RNF150: variants seen among roughly 807,000 people sequenced by gnomAD.
RNF150 encodes the protein ring finger protein 150.
RNF150 carries 24 observed loss-of-function variants against 39.3 expected under a neutral mutation model. The ratio of observed to expected loss-of-function variants is 0.61; its 90% confidence interval spans 0.44 to 0.86. RNF150 has a LOEUF of 0.86. Ranked by LOEUF, RNF150 falls within the 40% of genes least tolerant of loss-of-function variation. The probability of loss-of-function intolerance (pLI) is 0.00; values close to 1 mark genes in which losing one functional copy is unlikely to be tolerated. For missense variants in RNF150, 502 were observed against 587.8 expected, an observed-to-expected ratio of 0.85 and a Z score of 1.51; for synonymous variants, 255 against 227.3, an observed-to-expected ratio of 1.12 and a Z score of -1.10.
chr4:140,946,209 A>G (rs1732304352), intron 4 of RNF150, among the ~76,000 whole-genome samples: 1 of 152,170 alleles, frequency 6.6e-6, no homozygotes, highest in Admixed American at 6.5e-5. Context: ...CCTAATGCCT[A>G]TTTTCCTAAT....
Position 141,133,106 on chromosome 4 carries a change from T to TACA in RNF150, c.-299_-298insTGT. 8.9e-6 allele frequency: 3 copies of TACA among 338,608 alleles called. No individual in the cohort carries two copies. The highest frequency in any genetic ancestry group is 1.6e-5 in the Non-Finnish European group (3 of 183,776). 21.0% of individuals were successfully genotyped at this position (338,608 alleles called of 1,614,324 possible). A position where few individuals can be genotyped will look rare whatever the true frequency, so the allele number is the denominator to read the frequency against. Reference sequence around the variant, plus strand: ...TGCGGAGGAGTCCTGCTGCCGAGCGTCCTGCTCCTTCGCCCGGCTTCGCCT... The same window carrying TACA: ...TGCGGAGGAGTCCTGCTGCCGAGCGTACACCTGCTCCTTCGCCCGGCTTCGCCT... On this transcript the variant is annotated 5_prime_UTR_variant, in exon 1 of 7. Transcript: ENST00000515673.
intron 1 of RNF150, among the ~76,000 whole-genome samples, chr4:140,986,435 T>C (rs760869232): frequency 6.6e-6 from 1 of 152,134 alleles, no homozygotes; most frequent in Non-Finnish European, 1.5e-5. Flanking sequence ...ATATAATTTA[T>C]ATTCCCACTA....
At chr4:141,153,444 A>G (rs1403280894) in intron 1 of RNF150, among the ~76,000 whole-genome samples, 1 of 152,216 alleles carries the variant, frequency 6.6e-6, no homozygotes, top group African/African-American at 2.4e-5. Context: ...ATGGCCATCT[A>G]CAAGCCAAGG....
chr4:141,112,665 T>A lies in RNF150; in HGVS notation c.484+19660A>T, dbSNP rs12506394. Among the ~76,000 whole-genome samples, 574 of 152,008 alleles carry A rather than the reference T, an allele frequency of 3.8e-3. 7 individuals are homozygous for A. Among genetic ancestry groups the A allele is most frequent in the African/African-American group, 0.013 (545 of 41,438 alleles). ...TCTGGCTGCCCTTAACATTTTTTCC[T>A]TCATTTCAACCTTGGTAAATCTGAT... On this transcript the variant is annotated intron_variant, in intron 1 of 6. Transcript: ENST00000515673.
chr4:141,052,263 C>T (rs1323767656), intron 1 of RNF150, among the ~76,000 whole-genome samples: 1 of 152,146 alleles, frequency 6.6e-6, no homozygotes, highest in Non-Finnish European at 1.5e-5. Context: ...AATTCTTGAA[C>T]TATTTGGAAT....
chr4:141,072,743 T>C (rs1260000637), intron 1 of RNF150, among the ~76,000 whole-genome samples: 1 of 152,176 alleles, frequency 6.6e-6, no homozygotes, highest in Non-Finnish European at 1.5e-5. Context: ...GTAATTTCAG[T>C]TCTCAGTCTT....
chr4:141,178,655 G>C (rs1023500245), intron 1 of RNF150, among the ~76,000 whole-genome samples: 1 of 152,062 alleles, frequency 6.6e-6, no homozygotes, highest in Non-Finnish European at 1.5e-5. Context: ...GGAGCGGGAG[G>C]TGGGTAGGAT....
intron 1 of RNF150, among the ~76,000 whole-genome samples, chr4:141,003,778 A>G (rs1156574116): frequency 6.6e-6 from 1 of 152,122 alleles, no homozygotes; most frequent in Non-Finnish European, 1.5e-5. Flanking sequence ...GAAGTTAAGA[A>G]TTTTATCCCC....
chr4:140,902,547 A>G (rs1730224059), intron 6 of RNF150, among the ~76,000 whole-genome samples: 1 of 152,192 alleles, frequency 6.6e-6, no homozygotes, highest in Admixed American at 6.5e-5. Flanking sequence ...TGGCATGTCA[A>G]TAGAACTTTT....
intron 6 of RNF150, among the ~76,000 whole-genome samples, chr4:140,877,955 C>T (rs1392158618): frequency 6.6e-6 from 1 of 152,110 alleles, no homozygotes; most frequent in Non-Finnish European, 1.5e-5. Flanking sequence ...GATGGTTTGA[C>T]TTGCCTGTGG....
At chr4:141,112,051 ACTGT>A in intron 1 of RNF150, among the ~76,000 whole-genome samples, 1 of 152,168 alleles carries the variant, frequency 6.6e-6, no homozygotes, top group East Asian at 1.9e-4. Context: ...CAGGCAAGTG[ACTGT>A]CTAAATTCTC....
rs372082819 is a variant in RNF150, at chr4:140,866,798, C to G, written c.*1463G>C. The G allele has an allele frequency of 5.9e-5, 9 of 152,020 alleles. No individual in the cohort carries two copies. The highest frequency in any genetic ancestry group is 1.9e-4 in the African/African-American group (8 of 41,378). The allele number at this position is 152,020 out of a possible 1,614,324, so 9.4% of individuals were successfully genotyped here. ...GCTGTGTAGAGATAAGGTGATCCGT[C>G]TGATTGTTCAGAGACGCTATCAATG... is the stretch of plus-strand genomic sequence containing the variant. On this transcript the variant is annotated 3_prime_UTR_variant, in exon 7 of 7. Transcript: ENST00000515673.
intron 5 of RNF150, among the ~76,000 whole-genome samples, chr4:140,923,992 G>A (rs1731276893): frequency 1.3e-5 from 2 of 152,072 alleles, no homozygotes; most frequent in South Asian, 4.2e-4. Context: ...AAGGGGGGAG[G>A]GATAGCATTA....
intron 6 of RNF150, among the ~76,000 whole-genome samples, chr4:140,884,445 G>A (rs534335267): frequency 1.3e-5 from 2 of 152,254 alleles, no homozygotes; most frequent in East Asian, 3.9e-4. Context: ...ACAGGTACAG[G>A]TAGTTCGCCA....
intron 1 of RNF150, among the ~76,000 whole-genome samples, chr4:141,130,195 A>G (rs767225294): frequency 1.3e-5 from 2 of 152,352 alleles, no homozygotes; most frequent in Non-Finnish European, 2.9e-5. Context: ...TTTAGGCAGA[A>G]GAATTTCAGA....
intron 1 of RNF150, among the ~76,000 whole-genome samples, chr4:141,061,791 T>G (rs1393137005): frequency 6.6e-6 from 1 of 152,182 alleles, no homozygotes; most frequent in African/African-American, 2.4e-5. Flanking sequence ...ATATCCTCTC[T>G]GACTTTGAGT....
chr4:140,925,960 G>C lies in RNF150; in HGVS notation c.987+17C>G. The C allele has an allele frequency of 6.5e-7, 1 of 1,545,178 alleles. No individual in the cohort carries two copies. Among genetic ancestry groups the C allele is most frequent in the Non-Finnish European group, 9.0e-7 (1 of 1,117,100 alleles). On this transcript the variant is annotated intron_variant, in intron 5 of 6. Transcript: ENST00000515673. ...GAAAGACAGACATTATAATGCTGTA[G>C]GCTGTGCTGTGCTTACCGGGATCCC...
chr4:140,965,493 G>A (rs1733203387), intron 2 of RNF150, among the ~76,000 whole-genome samples: 1 of 152,108 alleles, frequency 6.6e-6, no homozygotes, highest in Non-Finnish European at 1.5e-5. Context: ...AGCGACCTAA[G>A]TGTCCATGTG....
At chr4:141,036,373 A>G (rs1736147863) in intron 1 of RNF150, among the ~76,000 whole-genome samples, 1 of 152,086 alleles carries the variant, frequency 6.6e-6, no homozygotes, top group East Asian at 1.9e-4. Flanking sequence ...TTTAGATTTT[A>G]TTTTTCCTTC....
Sources: gnomAD v4.1 joint callset for allele counts (sites outside exome capture counted in the v4.1 genomes callset) on GRCh38, gnomAD v4.1.1 for gene constraint, MANE v1.5 for transcripts, NCBI Gene and HGNC (gene_info 2026-07-23, HGNC 2026-07-21) for gene names.